The following SLC16A6 variants were observed in gnomAD, a reference collection of about 807,000 sequenced individuals.
SLC16A6 encodes the protein monocarboxylate transporter 7.
A neutral mutation model predicts 33.8 loss-of-function variants in SLC16A6; 15 were observed. The observed-to-expected ratio is 0.44, with a 90% CI of 0.30 to 0.68. The LOEUF is 0.68. SLC16A6 is among the 30% of genes least tolerant of loss of function. The pLI is 0.10. For missense variants in SLC16A6, 451 were observed against 661.5 expected (o/e 0.68, Z 3.49); for synonymous variants, 219 against 248.4 (o/e 0.88, Z 1.11).
intron 1 of SLC16A6, among the ~76,000 whole-genome samples, chr17:68,290,752 G>T (rs1159028800): frequency 6.6e-6 from 1 of 152,164 alleles, no homozygotes; most frequent in African/African-American, 2.4e-5. Context: ...TGGAGCCCCC[G>T]ACTCTTCCGA....
At chr17:68,279,010 C>A (rs2075613164) in intron 1 of SLC16A6, among the ~76,000 whole-genome samples, 1 of 152,086 alleles carries the variant, frequency 6.6e-6, no homozygotes, top group Non-Finnish European at 1.5e-5. Flanking sequence ...TGGTATTGTA[C>A]ATGGGGCCTC....
Position 68,278,341 on chromosome 17 carries a change from T to C in SLC16A6, c.-7-14A>G. ...GTCATTCTTAATCTGAAAGAAAAAG[T>C]TAAAAGCAATTCAGATCAGCAATAG... is the stretch of plus-strand genomic sequence containing the variant. On this transcript the variant is annotated splice_polypyrimidine_tract_variant and intron_variant, in intron 1 of 5. Coordinates refer to ENST00000580666, the MANE Select transcript of SLC16A6 (RefSeq NM_004694.5). 1 of 1,567,912 alleles carries C rather than the reference T, an allele frequency of 6.4e-7. No homozygotes were observed. Among genetic ancestry groups the C allele is most frequent in the Non-Finnish European group, 8.8e-7 (1 of 1,140,218 alleles).
At position 68,271,344 on chromosome 17, in the gene SLC16A6, G is replaced by C. The variant is rs112262188; in HGVS notation, c.816C>G (p.Thr272=). ...KADMQQVLVK[T]SPRPSEKKAP... Reference sequence around the variant, plus strand: ...CTTTCTTTTCGCTTGGCCTGGGGCTGGTCTTCACCAGGACCTGCTGCATGT... The same window carrying C: ...CTTTCTTTTCGCTTGGCCTGGGGCTCGTCTTCACCAGGACCTGCTGCATGT... Residue 272 remains threonine (T), a synonymous_variant, in exon 5 of 6, where the codon ACC becomes ACG. Transcript: ENST00000580666. This position sits in a 1 kb window ranked among gnomAD's most constrained non-coding sequence, Gnocchi z 5.3. The C allele has an allele frequency of 1.1e-3, 1,724 of 1,614,250 alleles. 7 individuals are homozygous for C. The highest frequency in any genetic ancestry group is 7.8e-3 in the Middle Eastern group (47 of 6,062).
At chr17:68,287,328 CTTTT>C in intron 1 of SLC16A6, among the ~76,000 whole-genome samples, 1 of 144,820 alleles carries the variant, frequency 6.9e-6, no homozygotes, top group Middle Eastern at 3.7e-3. Flanking sequence ...TCTTCTTCTT[CTTTT>C]TTTTTTTAAT....
chr17:68,282,409 G>A (rs1399068806), intron 1 of SLC16A6, among the ~76,000 whole-genome samples: 6 of 151,728 alleles, frequency 4.0e-5, no homozygotes, highest in Non-Finnish European at 7.4e-5. Context: ...GTTAAATGAC[G>A]AGTTAATGGG....
chr17:68,271,184 G>T lies in SLC16A6; in HGVS notation c.976C>A (p.Gln326Lys). ...GATAATAAAAAAGCAGCGCGGTCCT[G>T]GTCAATGCCCAGACTAATGCCCAGA... ...IPLGISLGID[Q>K]DRAAFLLSTM... The change falls in exon 5 of 6, where the codon CAG becomes AAG. Residue 326 changes from glutamine to lysine, a missense_variant. Gln to Lys is a moderately conservative substitution (Grantham distance 53, BLOSUM62 1). Coordinates refer to ENST00000580666, the MANE Select transcript of SLC16A6 (RefSeq NM_004694.5). This position sits in a 1 kb window ranked among gnomAD's most constrained non-coding sequence, Gnocchi z 5.3. 6.2e-7 allele frequency: 1 copy of T among 1,614,012 alleles called. No homozygotes were observed. The highest frequency in any genetic ancestry group is 8.5e-7 in the Non-Finnish European group (1 of 1,180,044).
chr17:68,275,305 G>A (rs1178525268), intron 2 of SLC16A6, among the ~76,000 whole-genome samples: 1 of 152,072 alleles, frequency 6.6e-6, no homozygotes, highest in Non-Finnish European at 1.5e-5. Context: ...TTGGGTCAAG[G>A]AACAACAACA....
At chr17:68,275,808 C>T (rs1056278801) in intron 2 of SLC16A6, among the ~76,000 whole-genome samples, 29 of 151,778 alleles carry the variant, frequency 1.9e-4, no homozygotes, top group African/African-American at 6.0e-4. Context: ...AGCAAAACCC[C>T]GTCTCTACTA....
At chr17:68,280,542 GTTCAGTCTC>G (rs1440876187) in intron 1 of SLC16A6, among the ~76,000 whole-genome samples, 1 of 152,316 alleles carries the variant, frequency 6.6e-6, no homozygotes, top group East Asian at 1.9e-4. Flanking sequence ...ATTGGAGAAA[GTTCAGTCTC>G]TTCAATAAAT....
chr17:68,286,277 G>A (rs901618292), intron 1 of SLC16A6, among the ~76,000 whole-genome samples: 4 of 152,156 alleles, frequency 2.6e-5, no homozygotes. Context: ...AAAAGGGATG[G>A]GGCTAGGATG....
At chr17:68,283,438 G>A (rs2075761451) in intron 1 of SLC16A6, among the ~76,000 whole-genome samples, 3 of 149,646 alleles carry the variant, frequency 2.0e-5, no homozygotes, top group Non-Finnish European at 3.0e-5. Flanking sequence ...GGAGAATGGC[G>A]TGAACCCGGG....
At chr17:68,276,320 T>G (rs2075518680) in intron 2 of SLC16A6, among the ~76,000 whole-genome samples, 1 of 152,090 alleles carries the variant, frequency 6.6e-6, no homozygotes, top group South Asian at 2.1e-4. Flanking sequence ...GTAAAGACAT[T>G]CTATGGCTAA....
intron 1 of SLC16A6, 102 bp from the exon 2 acceptor site, chr17:68,278,429 T>G: frequency 4.4e-6 from 3 of 679,482 alleles, no homozygotes; most frequent in Non-Finnish European, 5.0e-6. Flanking sequence ...TTACCCCATT[T>G]CTTAAGTTGT....
intron 1 of SLC16A6, among the ~76,000 whole-genome samples, chr17:68,289,120 C>G (rs782323060): frequency 6.6e-6 from 1 of 152,070 alleles, no homozygotes; most frequent in Non-Finnish European, 1.5e-5. Flanking sequence ...CCGAAGCAGG[C>G]AGATTACTTG....
chr17:68,289,701 T>C (rs1568422054), intron 1 of SLC16A6, among the ~76,000 whole-genome samples: 1 of 152,232 alleles, frequency 6.6e-6, no homozygotes, highest in Non-Finnish European at 1.5e-5. Flanking sequence ...AATCACTGGC[T>C]ACAACCGAGT....
intron 1 of SLC16A6, among the ~76,000 whole-genome samples, chr17:68,284,195 G>GT (rs1797075490): frequency 6.6e-6 from 1 of 151,356 alleles, no homozygotes; most frequent in Non-Finnish European, 1.5e-5. Flanking sequence ...GAGGTCAGGA[G>GT]TTTGAGACCA....
intron 1 of SLC16A6, among the ~76,000 whole-genome samples, chr17:68,287,853 C>T (rs534040983): frequency 2.1e-4 from 32 of 152,056 alleles, no homozygotes; most frequent in African/African-American, 6.3e-4. Flanking sequence ...CTTAAAAAAC[C>T]GAGTCATAAG....
intron 2 of SLC16A6, among the ~76,000 whole-genome samples, chr17:68,276,218 C>T (rs1292325082): frequency 6.0e-5 from 9 of 151,218 alleles, no homozygotes; most frequent in African/African-American, 1.2e-4. Flanking sequence ...CTCAGCCTTC[C>T]GAGTAGCTGG....
intron 5 of SLC16A6, 65 bp downstream of exon 5, chr17:68,270,774 C>G: frequency 7.3e-7 from 1 of 1,373,444 alleles, no homozygotes. Context: ...ATGGCTTGAA[C>G]AGGAAGCTAG....
Sources: allele counts gnomAD v4.1 joint callset (sites outside exome capture counted in the v4.1 genomes callset), GRCh38; gene constraint gnomAD v4.1.1; non-coding constraint Gnocchi (gnomAD v3.1); transcripts MANE v1.5; gene names NCBI Gene and HGNC (gene_info 2026-07-23, HGNC 2026-07-21).